Variants in CDH4 observed in about 807,000 individuals in gnomAD.
CDH4 encodes the protein cadherin 4.
CDH4 carries 33 observed loss-of-function variants against 86.0 expected under a neutral mutation model. That is an observed-to-expected ratio of 0.38 (90% CI 0.29 to 0.51). The LOEUF (loss-of-function observed/expected upper bound fraction) is 0.51. Among genes scored for constraint, CDH4 ranks in the 20% least tolerant of loss-of-function variants. The probability of loss-of-function intolerance (pLI) is 0.86; values close to 1 mark genes in which losing one functional copy is unlikely to be tolerated. For synonymous variants in CDH4, 555 were observed against 549.4 expected (o/e 1.01, Z -0.14); for missense variants, 1,114 against 1,307.4 (o/e 0.85, Z 2.28).
intron 2 of CDH4, among the ~76,000 whole-genome samples, chr20:61,402,981 C>T (rs188490198): frequency 2.6e-5 from 4 of 152,326 alleles, no homozygotes; most frequent in Admixed American, 6.5e-5. Context: ...TCCCTTACAG[C>T]GAAGCATCAC....
chr20:61,279,613 C>G (rs1014653755), intron 2 of CDH4, among the ~76,000 whole-genome samples: 3 of 152,142 alleles, frequency 2.0e-5, no homozygotes, highest in Admixed American at 6.6e-5. Flanking sequence ...GGATGGGCCT[C>G]GACAGCAGGG....
Position 61,939,666 on chromosome 20 carries a change from A to C in CDH4, c.*2723A>C, listed in dbSNP as rs2055240211. On this transcript the variant is annotated 3_prime_UTR_variant, in exon 16 of 16. Transcript: ENST00000614565. Reference sequence around the variant, plus strand: ...AGATACGACTGCCTATAATCAGGGGACTCCCACTGGAGGCCGGGAGGCCAA... The same window carrying C: ...AGATACGACTGCCTATAATCAGGGGCCTCCCACTGGAGGCCGGGAGGCCAA... The C allele has an allele frequency of 6.6e-6, 1 of 152,120 alleles. No individual in the cohort carries two copies. The highest frequency in any genetic ancestry group is 1.5e-5 in the Non-Finnish European group (1 of 68,038). The allele number at this position is 152,120 out of a possible 1,614,324, so 9.4% of individuals were successfully genotyped here. A position where few individuals can be genotyped will look rare whatever the true frequency, so the allele number is the denominator to read the frequency against.
chr20:61,502,184 T>C (rs1331850034), intron 2 of CDH4, among the ~76,000 whole-genome samples: 2 of 152,166 alleles, frequency 1.3e-5, no homozygotes, highest in African/African-American at 4.8e-5. Context: ...AAATGATGAC[T>C]CTCTGCTCCA....
chr20:61,793,428 A>T (rs889597297), intron 4 of CDH4, among the ~76,000 whole-genome samples: 4 of 152,238 alleles, frequency 2.6e-5, no homozygotes, highest in Admixed American at 2.0e-4. Context: ...GAAAAATTTT[A>T]AAAAGGCTCT....
chr20:61,672,531 C>A (rs1008709687), intron 2 of CDH4, among the ~76,000 whole-genome samples: 1 of 152,180 alleles, frequency 6.6e-6, no homozygotes, highest in Non-Finnish European at 1.5e-5. Flanking sequence ...CCACCTCCAG[C>A]ACTGTGCTTG....
intron 2 of CDH4, among the ~76,000 whole-genome samples, chr20:61,592,920 T>TG (rs1466166754): frequency 6.6e-6 from 1 of 152,070 alleles, no homozygotes; most frequent in Non-Finnish European, 1.5e-5. Context: ...AGGGACTTCG[T>TG]GGGGGTGACG....
intron 4 of CDH4, among the ~76,000 whole-genome samples, chr20:61,797,918 G>C (rs1336296359): frequency 3.3e-5 from 5 of 152,230 alleles, no homozygotes; most frequent in Non-Finnish European, 7.3e-5. Flanking sequence ...CGGACCGCAG[G>C]TTAGGGCAAG....
chr20:61,398,355 G>A (rs567414016), intron 2 of CDH4, among the ~76,000 whole-genome samples: 1 of 152,230 alleles, frequency 6.6e-6, no homozygotes, highest in East Asian at 1.9e-4. Context: ...TCACCTCTAA[G>A]GGTGGAGAGA....
chr20:61,258,338 A>AAAAAAAAG (rs1486055291), intron 2 of CDH4, among the ~76,000 whole-genome samples: 20 of 145,978 alleles, frequency 1.4e-4, no homozygotes, highest in Non-Finnish European at 8.9e-5. Context: ...TCAAAAAAAA[A>AAAAAAAAG]AAAAAAAGAA....
intron 2 of CDH4, among the ~76,000 whole-genome samples, chr20:61,410,094 T>C (rs141728158): frequency 1.7e-4 from 26 of 152,346 alleles, no homozygotes; most frequent in African/African-American, 5.8e-4. Context: ...CCCATGAGAA[T>C]TGGCTCTTAC....
At chr20:61,348,693 C>T (rs1290266922) in intron 2 of CDH4, among the ~76,000 whole-genome samples, 1 of 152,096 alleles carries the variant, frequency 6.6e-6, no homozygotes, top group Non-Finnish European at 1.5e-5. Context: ...AGTTTATGGC[C>T]CTGGGCAGGT....
intron 2 of CDH4, among the ~76,000 whole-genome samples, chr20:61,657,939 G>A (rs2087209900): frequency 6.6e-6 from 1 of 151,976 alleles, no homozygotes; most frequent in South Asian, 2.1e-4. Context: ...TCACCGGTGG[G>A]AGCCAATGGC....
intron 2 of CDH4, among the ~76,000 whole-genome samples, chr20:61,381,600 C>T (rs553315631): frequency 1.5e-4 from 23 of 152,254 alleles, no homozygotes; most frequent in East Asian, 1.9e-4. Context: ...TATGATGGAA[C>T]GCTGCTCTAA....
intron 2 of CDH4, among the ~76,000 whole-genome samples, chr20:61,358,903 G>C (rs1035944688): frequency 6.6e-6 from 1 of 151,926 alleles, no homozygotes; most frequent in African/African-American, 2.4e-5. Context: ...CCAGGGTGAC[G>C]GGGGGGTTTA....
chr20:61,540,091 G>A (rs983625392), intron 2 of CDH4, among the ~76,000 whole-genome samples: 4 of 152,164 alleles, frequency 2.6e-5, no homozygotes, highest in South Asian at 2.1e-4. Context: ...AATATGAAGA[G>A]GGCTGAATAG....
At chr20:61,785,455 C>A (rs1413153920) in intron 4 of CDH4, among the ~76,000 whole-genome samples, 2 of 152,202 alleles carry the variant, frequency 1.3e-5, no homozygotes, top group Non-Finnish European at 2.9e-5. Context: ...GAGGCAGGAG[C>A]TGGATTTGGC....
rs574379038 is a variant in CDH4, at chr20:61,599,295, G to A, written c.170-144268G>A. Reference sequence around the variant, plus strand: ...TGAGCGGGCAGCTGTGCCGGGTGTCGGACTGGGGACCTCCTTCTGCTGGGG... The same window carrying A: ...TGAGCGGGCAGCTGTGCCGGGTGTCAGACTGGGGACCTCCTTCTGCTGGGG... On this transcript the variant is annotated intron_variant, in intron 2 of 15. Coordinates refer to ENST00000614565, the MANE Select transcript of CDH4 (RefSeq NM_001794.5). 5.3e-5 allele frequency among the ~76,000 whole-genome samples: 8 copies of A among 152,284 alleles called. No individual in the cohort carries two copies. In the East Asian group the frequency reaches 5.8e-4, roughly 11 times the overall value.
intron 2 of CDH4, among the ~76,000 whole-genome samples, chr20:61,593,239 G>A (rs1032012287): frequency 1.3e-5 from 2 of 152,212 alleles, no homozygotes; most frequent in Non-Finnish European, 2.9e-5. Context: ...GTCCGTCCTT[G>A]CCTGGGCTGA....
intron 9 of CDH4, among the ~76,000 whole-genome samples, chr20:61,915,585 A>G (rs920917494): frequency 6.6e-6 from 1 of 152,212 alleles, no homozygotes; most frequent in Non-Finnish European, 1.5e-5. Flanking sequence ...CAAACGGGAG[A>G]TCCATGTGAC....
Sources: gnomAD v4.1 joint callset for allele counts (sites outside exome capture counted in the v4.1 genomes callset) on GRCh38, gnomAD v4.1.1 for gene constraint, MANE v1.5 for transcripts, NCBI Gene and HGNC (gene_info 2026-07-23, HGNC 2026-07-21) for gene names.